Variants in BICDL1 observed in about 807,000 individuals in gnomAD.
The protein encoded by BICDL1 is BICD family-like cargo adapter 1.
Under a neutral mutation model 76.8 loss-of-function variants are expected in BICDL1, and 20 were observed. The ratio of observed to expected loss-of-function variants is 0.26; its 90% CI spans 0.18 to 0.38. The LOEUF (loss-of-function observed/expected upper bound fraction) is 0.38, where lower values mean the gene tolerates loss of function less well. Ranked by LOEUF, BICDL1 falls within the 10% of genes least tolerant of loss-of-function variation. The pLI, the probability that BICDL1 is intolerant of heterozygous loss-of-function variation, is 1.00. For synonymous variants in BICDL1, 383 were observed against 337.1 expected, an observed-to-expected ratio of 1.14 and a Z score of -1.49; for missense variants, 700 against 798.6, an observed-to-expected ratio of 0.88 and a Z score of 1.49.
Position 120,061,811 on chromosome 12 carries a change from G to A in BICDL1, c.747G>A (p.Glu249=). The A allele has an allele frequency of 6.2e-7, 1 of 1,613,652 alleles. No individual in the cohort carries two copies. Among genetic ancestry groups the A allele is most frequent in the South Asian group, 1.1e-5 (1 of 91,060 alleles). The change falls in exon 3 of 10, where the codon GAG becomes GAA. Residue 249 remains glutamate (E), a synonymous_variant. Transcript: ENST00000548673. The stretch of plus-strand genomic sequence containing the variant: ...CCAACCAGCACATTATCCGGCTGGA[G>A]AGCCTTCAGGCCGAGGTGAGCCTCC... ...SSTNQHIIRL[E]SLQAEIKMLS...
chr12:120,058,405 C>T (rs544539215), intron 2 of BICDL1, among the ~76,000 whole-genome samples: 54 of 152,212 alleles, frequency 3.5e-4, no homozygotes, highest in African/African-American at 1.2e-3. Flanking sequence ...TCTGCGGCTT[C>T]GTTGTTGAGT....
intron 2 of BICDL1, among the ~76,000 whole-genome samples, chr12:120,017,795 T>C (rs1218048541): frequency 6.6e-6 from 1 of 152,188 alleles, no homozygotes; most frequent in African/African-American, 2.4e-5. Context: ...TGGCAGCTAG[T>C]ATTAGTAGAA....
At chr12:120,091,830 G>C in intron 9 of BICDL1, 1 of 985,362 alleles carries the variant, frequency 1.0e-6, no homozygotes, top group Non-Finnish European at 1.2e-6. Context: ...AGATGGAGGG[G>C]CCCAGCCAGC....
chr12:120,023,254 T>C (rs759172033), intron 2 of BICDL1, among the ~76,000 whole-genome samples: 19 of 152,180 alleles, frequency 1.2e-4, no homozygotes, highest in African/African-American at 2.4e-5. Flanking sequence ...TTTAAGAAAG[T>C]TTATGAATTT....
At chr12:120,021,340 A>G (rs1423361941) in intron 2 of BICDL1, among the ~76,000 whole-genome samples, 2 of 151,698 alleles carry the variant, frequency 1.3e-5, no homozygotes, top group African/African-American at 2.4e-5. Flanking sequence ...TAATCCCAGC[A>G]CTTTGGGAGG....
chr12:120,018,254 A>C (rs1203622720), intron 2 of BICDL1, among the ~76,000 whole-genome samples: 1 of 152,228 alleles, frequency 6.6e-6, no homozygotes, highest in Non-Finnish European at 1.5e-5. Flanking sequence ...GGCAAAGATG[A>C]GAATTACCAT....
chr12:120,012,372 G>T (rs768611802), intron 2 of BICDL1, among the ~76,000 whole-genome samples: 3 of 152,234 alleles, frequency 2.0e-5, no homozygotes, highest in Non-Finnish European at 4.4e-5. Flanking sequence ...GAATAAGTCA[G>T]ATTTTCCGCA....
intron 2 of BICDL1, among the ~76,000 whole-genome samples, chr12:120,035,409 C>G (rs1333740714): frequency 1.3e-5 from 2 of 152,200 alleles, no homozygotes; most frequent in Non-Finnish European, 2.9e-5. Flanking sequence ...ACCACTTTCT[C>G]TCATTTGATC....
chr12:120,090,169 T>C (rs1004169095), intron 9 of BICDL1, 98 bp downstream of exon 9: 6 of 1,406,296 alleles, frequency 4.3e-6, no homozygotes, highest in Admixed American at 2.0e-5. Context: ...GAGGGTTCCA[T>C]GTGACTGGGT....
At chr12:120,086,776 G>A (rs553014057) in intron 8 of BICDL1, among the ~76,000 whole-genome samples, 14 of 152,260 alleles carry the variant, frequency 9.2e-5, no homozygotes, top group Non-Finnish European at 1.9e-4. Context: ...GGAATTATTC[G>A]AGCCCTTGGA....
In BICDL1 at chr12:120,079,855, G is replaced by C. The variant is rs1873834294; in HGVS notation, c.1453-1032G>C. 2.6e-5 allele frequency among the ~76,000 whole-genome samples: 4 copies of C among 152,224 alleles called. No homozygotes were observed. The highest frequency in any genetic ancestry group is 9.6e-5 in the African/African-American group (4 of 41,456). Reference sequence around the variant, plus strand: ...CTCGCCTGGGGCTTTGCTGTGCTCAGAGCTGCAGTCCCTGGAAGGGGTTGT... The same window carrying C: ...CTCGCCTGGGGCTTTGCTGTGCTCACAGCTGCAGTCCCTGGAAGGGGTTGT... On this transcript the variant is annotated intron_variant, in intron 7 of 9. Coordinates refer to ENST00000548673, the MANE Select transcript of BICDL1 (RefSeq NM_001367886.1). This position sits in a 1 kb window ranked among gnomAD's most constrained non-coding sequence, Gnocchi z 4.3.
rs530503047 is a variant in BICDL1, at chr12:119,998,827, G to T, written c.645+91G>T. The T allele has an allele frequency of 1.3e-3, 1,602 of 1,260,988 alleles. 3 individuals are homozygous for T. The highest frequency in any genetic ancestry group is 1.6e-3 in the Non-Finnish European group (1,495 of 907,780). 78.1% of individuals were successfully genotyped at this position (1,260,988 alleles called of 1,614,324 possible). ...CTTATGCCTGTGACGCCAGCATTTC[G>T]GGAGGCCAAGGTGGGAGAAGCACTT... On this transcript the variant is annotated intron_variant, in intron 2 of 9. Transcript: ENST00000548673.
chr12:120,001,048 G>A (rs1018067263), intron 2 of BICDL1, among the ~76,000 whole-genome samples: 3 of 151,012 alleles, frequency 2.0e-5, no homozygotes, highest in Non-Finnish European at 3.0e-5. Flanking sequence ...TATCCTTTCT[G>A]GCCTTGAATA....
chr12:120,036,172 A>G (rs1952527291), intron 2 of BICDL1, among the ~76,000 whole-genome samples: 1 of 152,238 alleles, frequency 6.6e-6, no homozygotes, highest in African/African-American at 2.4e-5. Context: ...TGGTGCACAT[A>G]AGCACACATT....
intron 8 of BICDL1, among the ~76,000 whole-genome samples, chr12:120,088,638 C>G (rs1384771886): frequency 6.7e-6 from 1 of 149,648 alleles, no homozygotes; most frequent in Non-Finnish European, 1.5e-5. Context: ...ATTACAGGCA[C>G]GAGCCACCGC....
chr12:120,003,639 C>A (rs10128766), intron 2 of BICDL1, among the ~76,000 whole-genome samples: 20,257 of 152,218 alleles, frequency 0.13, 1,678 homozygotes, highest in East Asian at 0.4. Flanking sequence ...ATCATAGATA[C>A]TCCTGGAATT....
intron 2 of BICDL1, among the ~76,000 whole-genome samples, chr12:120,057,853 C>T (rs1189067172): frequency 5.1e-5 from 5 of 98,362 alleles, no homozygotes; most frequent in Middle Eastern, 0.012. Context: ...TTTTTTGAGA[C>T]GGAGTCTTGC....
intron 2 of BICDL1, among the ~76,000 whole-genome samples, chr12:120,002,649 T>C (rs1951780468): frequency 6.6e-6 from 1 of 152,218 alleles, no homozygotes; most frequent in African/African-American, 2.4e-5. Flanking sequence ...TTATTATTTT[T>C]TTAGATCTTC....
In BICDL1 at chr12:119,997,174, C is replaced by G. The variant is rs1951667650; in HGVS notation, c.430-1347C>G. Among the ~76,000 whole-genome samples, 3 of 152,152 alleles carry G rather than the reference C, an allele frequency of 2.0e-5. 1 individual carries two copies. Among genetic ancestry groups the G allele is most frequent in the African/African-American group, 7.2e-5 (3 of 41,428 alleles). On this transcript the variant is annotated intron_variant, in intron 1 of 9. Transcript: ENST00000548673. ...TGTTAACCAGGATGGTCTCGATCTCCTGACCTCGTGATCTGCCCTCCTTAG... is the reference window on the plus strand; with the variant it reads ...TGTTAACCAGGATGGTCTCGATCTCGTGACCTCGTGATCTGCCCTCCTTAG...
Sources: allele counts gnomAD v4.1 joint callset (sites outside exome capture counted in the v4.1 genomes callset), GRCh38; gene constraint gnomAD v4.1.1; non-coding constraint Gnocchi (gnomAD v3.1); transcripts MANE v1.5; gene names NCBI Gene and HGNC (gene_info 2026-07-23, HGNC 2026-07-21).